Variants in CPNE4 observed in about 807,000 individuals in gnomAD.
CPNE4 encodes the protein copine 4.
In CPNE4, 25 loss-of-function variants were observed where a neutral mutation model predicts 67.9. The ratio of observed to expected loss-of-function variants is 0.37; its 90% CI spans 0.27 to 0.51. The LOEUF is 0.51. Among genes scored for constraint, CPNE4 ranks in the 20% least tolerant of loss-of-function variants. The probability of loss-of-function intolerance (pLI) is 0.93; values close to 1 mark genes in which losing one functional copy is unlikely to be tolerated. For synonymous variants in CPNE4, 242 were observed against 244.9 expected, an observed-to-expected ratio of 0.99 and a Z score of 0.11; for missense variants, 464 against 690.8, an observed-to-expected ratio of 0.67 and a Z score of 3.68.
At chr3:131,866,633 C>A (rs1291297036) in intron 2 of CPNE4, among the ~76,000 whole-genome samples, 1 of 152,118 alleles carries the variant, frequency 6.6e-6, no homozygotes, top group East Asian at 1.9e-4. Flanking sequence ...GCCCTCAATG[C>A]AGAATTCTTT....
At chr3:131,969,810 A>G (rs1426935990) in intron 1 of CPNE4, among the ~76,000 whole-genome samples, 1 of 152,198 alleles carries the variant, frequency 6.6e-6, no homozygotes. Context: ...AAACAAAACA[A>G]AAGCATGCAC....
chr3:132,035,041 AAG>A, upstream of CPNE4: 1 of 985,424 alleles, frequency 1.0e-6, no homozygotes, highest in Non-Finnish European at 1.2e-6. Flanking sequence ...GCAACCCGGC[AAG>A]AGACTGGTTC....
At chr3:131,828,673 A>G (rs921939506) in intron 2 of CPNE4, among the ~76,000 whole-genome samples, 3 of 152,176 alleles carry the variant, frequency 2.0e-5, no homozygotes, top group Non-Finnish European at 4.4e-5. Flanking sequence ...GAGTTCACAC[A>G]TTGTATTCTT....
rs149280973 is a variant in CPNE4, at chr3:131,612,882, T to C, written c.682-25300A>G. Reference sequence around the variant, plus strand: ...TAGAACACACTGATGGTAGCATGTGTGCTAGGAGGAAAAGAACTACCTGAA... The same window carrying C: ...TAGAACACACTGATGGTAGCATGTGCGCTAGGAGGAAAAGAACTACCTGAA... On this transcript the variant is annotated intron_variant, in intron 7 of 15. Coordinates refer to ENST00000429747, the MANE Select transcript of CPNE4 (RefSeq NM_130808.3). Among the ~76,000 whole-genome samples, 593 of 152,290 alleles carry C rather than the reference T, an allele frequency of 3.9e-3. 5 individuals are homozygous for C. Among genetic ancestry groups the C allele is most frequent in the African/African-American group, 0.013 (536 of 41,558 alleles).
chr3:131,691,007 C>A (rs1281335891), intron 5 of CPNE4, among the ~76,000 whole-genome samples: 1 of 152,070 alleles, frequency 6.6e-6, no homozygotes, highest in African/African-American at 2.4e-5. Flanking sequence ...CAATGAGATA[C>A]CATCTCGCAC....
intron 2 of CPNE4, among the ~76,000 whole-genome samples, chr3:131,860,028 A>G (rs1419524169): frequency 6.6e-6 from 1 of 152,122 alleles, no homozygotes; most frequent in Non-Finnish European, 1.5e-5. Flanking sequence ...CTTATCCTCA[A>G]CAAATCACCT....
intron 2 of CPNE4, among the ~76,000 whole-genome samples, chr3:131,751,802 C>T (rs533019268): frequency 9.6e-5 from 14 of 146,440 alleles, no homozygotes; most frequent in East Asian, 8.0e-4. Flanking sequence ...TTTGTTTTTT[C>T]GACACTGCTT....
At chr3:132,032,784 G>A (rs7631156) in intron 1 of CPNE4, among the ~76,000 whole-genome samples, 41,859 of 152,140 alleles carry the variant, frequency 0.28, 5,974 homozygotes, top group Non-Finnish European at 0.32. Flanking sequence ...GAAAATATCA[G>A]AAGTTATCTA....
At chr3:131,604,486 G>A (rs1215419767) in intron 7 of CPNE4, among the ~76,000 whole-genome samples, 5 of 152,072 alleles carry the variant, frequency 3.3e-5, no homozygotes, top group Non-Finnish European at 5.9e-5. Flanking sequence ...ATTAACATTT[G>A]AGTCAGTGGG....
intron 1 of CPNE4, among the ~76,000 whole-genome samples, chr3:131,952,348 G>A (rs1300656533): frequency 6.6e-6 from 1 of 150,674 alleles, no homozygotes; most frequent in African/African-American, 2.4e-5. Flanking sequence ...TCTGAGAAGT[G>A]AGGAGCCCCT....
At chr3:131,962,262 C>T (rs958883408) in intron 1 of CPNE4, among the ~76,000 whole-genome samples, 1 of 152,234 alleles carries the variant, frequency 6.6e-6, no homozygotes, top group Admixed American at 6.5e-5. Flanking sequence ...TCAGCAGGTG[C>T]TAAGTCAAGG....
chr3:132,007,982 A>T (rs758993141), intron 1 of CPNE4, among the ~76,000 whole-genome samples: 1 of 152,150 alleles, frequency 6.6e-6, no homozygotes, highest in Non-Finnish European at 1.5e-5. Context: ...GCTGGAATAC[A>T]TTGTGCATGT....
chr3:131,792,925 G>GTGTGTGTGTGTGTATA lies in CPNE4; in HGVS notation c.181-69301_181-69300insTATACACACACACACA, dbSNP rs58502463. On this transcript the variant is annotated intron_variant, in intron 2 of 15. Coordinates refer to ENST00000429747, the MANE Select transcript of CPNE4 (RefSeq NM_130808.3). ...TGTGTGTGTGTGTGTGTGTGTGTGT[G>GTGTGTGTGTGTGTATA]TATCTCCAACAAAACATGCCAAAAC... is the stretch of plus-strand genomic sequence containing the variant. 1.6e-3 allele frequency among the ~76,000 whole-genome samples: 210 copies of GTGTGTGTGTGTGTATA among 135,208 alleles called. 2 individuals are homozygous for GTGTGTGTGTGTGTATA. The highest frequency in any genetic ancestry group is 5.8e-3 in the African/African-American group (203 of 34,968). The allele number at this position is 135,208 out of a possible 152,430, so 88.7% of individuals were successfully genotyped here. A position where few individuals can be genotyped will look rare whatever the true frequency, so the allele number is the denominator to read the frequency against.
At chr3:131,931,542 G>A (rs2071059890) in intron 1 of CPNE4, among the ~76,000 whole-genome samples, 1 of 151,958 alleles carries the variant, frequency 6.6e-6, no homozygotes, top group African/African-American at 2.4e-5. Flanking sequence ...GGAAAGTTGT[G>A]CAATTAGGTA....
chr3:131,669,566 G>T, intron 7 of CPNE4, 109 bp downstream of exon 7: 2 of 767,714 alleles, frequency 2.6e-6, no homozygotes, highest in Non-Finnish European at 4.3e-6. Context: ...TGAGAGGGTT[G>T]GGTACAGTGT....
intron 1 of CPNE4, among the ~76,000 whole-genome samples, chr3:131,987,081 C>G (rs891267508): frequency 1.3e-5 from 2 of 152,126 alleles, no homozygotes; most frequent in Non-Finnish European, 1.5e-5. Context: ...AAACACTTCT[C>G]AAATTTGAAT....
intron 7 of CPNE4, among the ~76,000 whole-genome samples, chr3:131,650,744 C>CAAAAAAAAAAAAAAAAAAAAAAAAAAAAA (rs141219633): frequency 3.3e-5 from 2 of 61,196 alleles, no homozygotes; most frequent in African/African-American, 1.7e-4. Context: ...GACTCCGTCT[C>CAAAAAAAAAAAAAAAAAAAAAAAAAAAAA]AAAAAAAAAA....
chr3:131,562,749 T>G (rs1936839553), intron 11 of CPNE4, among the ~76,000 whole-genome samples: 1 of 151,972 alleles, frequency 6.6e-6, no homozygotes, highest in Admixed American at 6.6e-5. Context: ...GATATAAACC[T>G]CTCTAGGAAC....
At chr3:131,652,605 AT>A (rs1277617176) in intron 7 of CPNE4, among the ~76,000 whole-genome samples, 21 of 152,236 alleles carry the variant, frequency 1.4e-4, no homozygotes, top group African/African-American at 5.1e-4. Context: ...TTTAAAAAAA[AT>A]AAATAGCTTT....
Sources: gnomAD v4.1 joint callset for allele counts (sites outside exome capture counted in the v4.1 genomes callset) on GRCh38, gnomAD v4.1.1 for gene constraint, MANE v1.5 for transcripts, NCBI Gene and HGNC (gene_info 2026-07-23, HGNC 2026-07-21) for gene names.